The following PPP1R12A variants were observed in gnomAD, a reference collection of about 807,000 sequenced individuals.
PPP1R12A encodes the protein myosin binding subunit.
In PPP1R12A, 19 loss-of-function variants were observed where a neutral mutation model predicts 139.6. That is an observed-to-expected ratio of 0.14 (90% CI 0.09 to 0.20). PPP1R12A has a LOEUF of 0.20. Among genes scored for constraint, PPP1R12A ranks in the 10% least tolerant of loss-of-function variants. The pLI is 1.00. For synonymous variants in PPP1R12A, 427 were observed against 420.6 expected (o/e 1.02, Z -0.19); for missense variants, 925 against 1,211.5 (o/e 0.76, Z 3.51).
intron 3 of PPP1R12A, among the ~76,000 whole-genome samples, chr12:79,840,231 T>A (rs1201901546): frequency 6.6e-6 from 1 of 152,212 alleles, no homozygotes; most frequent in Non-Finnish European, 1.5e-5. Flanking sequence ...CTCACAGAAC[T>A]GCTATGAGGA....
chr12:79,901,363 C>A (rs1441369865), intron 1 of PPP1R12A, among the ~76,000 whole-genome samples: 1 of 152,126 alleles, frequency 6.6e-6, no homozygotes, highest in East Asian at 1.9e-4. Flanking sequence ...TGAAGGGCAT[C>A]TGAGTTGTTT....
At chr12:79,909,099 T>TGTGAGAACACTGTTCAGTC (rs1886352328) in intron 1 of PPP1R12A, among the ~76,000 whole-genome samples, 1 of 152,150 alleles carries the variant, frequency 6.6e-6, no homozygotes, top group South Asian at 2.1e-4. Flanking sequence ...GCATAGCGTT[T>TGTGAGAACACTGTTCAGTC]GTGAGAACAC....
intron 1 of PPP1R12A, among the ~76,000 whole-genome samples, chr12:79,875,966 G>A (rs7980393): frequency 0.91 from 139,301 of 152,252 alleles, 64,022 homozygotes; most frequent in Middle Eastern, 0.95. Context: ...ATGTCAGACT[G>A]TAACTCTTGG....
chr12:79,802,251 AT>A lies in PPP1R12A; in HGVS notation c.2000+3340del, dbSNP rs1873276422. On this transcript the variant is annotated intron_variant, in intron 14 of 24. Transcript: ENST00000450142. ...GCTTAACTCAGTACTTCCCAAGACC[AT>A]TTAAATAGAGAATCCTCCACCCCTG... is the stretch of plus-strand genomic sequence containing the variant. Among the ~76,000 whole-genome samples, 5 of 152,332 alleles carry A rather than the reference AT, an allele frequency of 3.3e-5. No homozygotes were observed. In the South Asian group the frequency reaches 1.0e-3, roughly 32 times the overall value.
intron 23 of PPP1R12A, chr12:79,779,972 G>C (rs948853607): frequency 1.3e-5 from 2 of 152,674 alleles, no homozygotes; most frequent in Admixed American, 1.3e-4. Context: ...GGGAGGCCTA[G>C]GTGAAAGGAT....
chr12:79,787,873 T>G (rs1287214337), intron 21 of PPP1R12A: 19 of 152,246 alleles, frequency 1.2e-4, no homozygotes, highest in Admixed American at 1.2e-3. Flanking sequence ...TACTTCAAGT[T>G]AACTGTCTCC....
intron 2 of PPP1R12A, among the ~76,000 whole-genome samples, chr12:79,868,074 T>A (rs1318514630): frequency 6.6e-6 from 1 of 152,182 alleles, no homozygotes; most frequent in African/African-American, 2.4e-5. Flanking sequence ...TACAAAAATA[T>A]TCCAACTAAT....
chr12:79,805,914 A>C (rs764624116), intron 13 of PPP1R12A, 146 bp from the exon 14 acceptor site: 9 of 986,640 alleles, frequency 9.1e-6, no homozygotes, highest in Admixed American at 2.9e-5. Flanking sequence ...ATGAACCAAA[A>C]AGCTCACCCA....
intron 2 of PPP1R12A, among the ~76,000 whole-genome samples, chr12:79,871,017 G>A (rs1160585475): frequency 6.6e-6 from 1 of 152,036 alleles, no homozygotes; most frequent in Non-Finnish European, 1.5e-5. Context: ...GCTTTTGGAT[G>A]TGGATATGTA....
At chr12:79,823,359 T>C (rs879688158) in intron 5 of PPP1R12A, among the ~76,000 whole-genome samples, 3 of 152,172 alleles carry the variant, frequency 2.0e-5, no homozygotes, top group Admixed American at 6.5e-5. Context: ...TATTCCTATA[T>C]CCACAACAAG....
chr12:79,935,322 T>G (rs1006678883), upstream of PPP1R12A: 9 of 1,034,544 alleles, frequency 8.7e-6, no homozygotes, highest in African/African-American at 1.2e-4. Context: ...GGGAAGCGGG[T>G]GTGGCCCAGG....
At chr12:79,909,650 G>A (rs1177017583) in intron 1 of PPP1R12A, among the ~76,000 whole-genome samples, 4 of 151,120 alleles carry the variant, frequency 2.6e-5, no homozygotes, top group African/African-American at 7.3e-5. Flanking sequence ...CAGGAGAATC[G>A]TTGAACCCGG....
At chr12:79,891,549 A>G (rs1884642001) in intron 1 of PPP1R12A, among the ~76,000 whole-genome samples, 1 of 152,208 alleles carries the variant, frequency 6.6e-6, no homozygotes, top group Non-Finnish European at 1.5e-5. Context: ...CACAAATATT[A>G]TATTAGTTTG....
Position 79,793,868 on chromosome 12 carries a change from T to C in PPP1R12A, c.2644A>G (p.Thr882Ala). ...CAAAAAGTAATGGTATTTACCTGAG[T>C]TTCTTTCTTATTGGATCCCTCTTCT... ...DTEEGSNKKE[T>A]QTDSISRYET... The change falls in exon 19 of 25, where the codon ACT becomes GCT. Residue 882 changes from threonine (T) to alanine (A), a missense_variant. Physicochemically the swap from Thr to Ala is moderately conservative, Grantham distance 58. Transcript: ENST00000450142. 6.3e-7 allele frequency: 1 copy of C among 1,586,792 alleles called. No individual in the cohort carries two copies. The highest frequency in any genetic ancestry group is 1.1e-5 in the South Asian group (1 of 88,008).
intron 1 of PPP1R12A, among the ~76,000 whole-genome samples, chr12:79,925,261 C>CCT (rs1887745796): frequency 6.7e-6 from 1 of 149,556 alleles, no homozygotes; most frequent in African/African-American, 2.4e-5. Flanking sequence ...CATACGTGTA[C>CCT]GTGTGTGTGT....
At chr12:79,893,521 A>G (rs1294678239) in intron 1 of PPP1R12A, among the ~76,000 whole-genome samples, 1 of 152,202 alleles carries the variant, frequency 6.6e-6, no homozygotes, top group African/African-American at 2.4e-5. Context: ...CAGTAATCAA[A>G]TGCTGAAGGA....
chr12:79,782,133 G>A (rs1166445887), intron 22 of PPP1R12A: 12 of 254,140 alleles, frequency 4.7e-5, no homozygotes, highest in Non-Finnish European at 8.9e-5. Flanking sequence ...GTGAGGGTGA[G>A]TGAGTATGTG....
At chr12:79,916,063 A>C (rs978739286) in intron 1 of PPP1R12A, among the ~76,000 whole-genome samples, 67 of 142,752 alleles carry the variant, frequency 4.7e-4, no homozygotes, top group African/African-American at 1.8e-3. Flanking sequence ...CTAGTGTTCA[A>C]CACAGTCTCT....
intron 1 of PPP1R12A, among the ~76,000 whole-genome samples, chr12:79,892,855 G>A (rs1592782692): frequency 6.6e-6 from 1 of 152,152 alleles, no homozygotes; most frequent in East Asian, 1.9e-4. Context: ...TATAATCCCA[G>A]TACTTTGGAA....
Sources: allele counts gnomAD v4.1 joint callset (sites outside exome capture counted in the v4.1 genomes callset), GRCh38; gene constraint gnomAD v4.1.1; transcripts MANE v1.5; gene names NCBI Gene and HGNC (gene_info 2026-07-23, HGNC 2026-07-21).